Variants in ERGIC1 observed in about 807,000 individuals in gnomAD.
The protein encoded by ERGIC1 is endoplasmic reticulum-Golgi intermediate compartment protein 1.
In ERGIC1, 19 loss-of-function variants were observed where a neutral mutation model predicts 38.3. That is an observed-to-expected ratio of 0.50 (90% confidence interval 0.35 to 0.73). The LOEUF is 0.73. Among genes scored for constraint, ERGIC1 ranks in the 30% least tolerant of loss-of-function variants. The pLI is 0.01. For missense variants in ERGIC1, 294 were observed against 389.2 expected, an observed-to-expected ratio of 0.76 and a Z score of 2.06; for synonymous variants, 124 against 157.6, an observed-to-expected ratio of 0.79 and a Z score of 1.60.
intron 1 of ERGIC1, among the ~76,000 whole-genome samples, chr5:172,851,247 A>T (rs1483917835): frequency 6.6e-6 from 1 of 150,434 alleles, no homozygotes; most frequent in Non-Finnish European, 1.5e-5. Context: ...AGTGGCTCAC[A>T]TCTGTAAAGC....
intron 1 of ERGIC1, among the ~76,000 whole-genome samples, chr5:172,873,201 T>G (rs1762060619): frequency 1.3e-5 from 2 of 152,232 alleles, no homozygotes; most frequent in South Asian, 4.1e-4. Flanking sequence ...TTATAGCATC[T>G]GCACACAGGA....
At chr5:172,930,910 G>T (rs1763763172) in intron 7 of ERGIC1, among the ~76,000 whole-genome samples, 1 of 152,164 alleles carries the variant, frequency 6.6e-6, no homozygotes, top group African/African-American at 2.4e-5. Context: ...TTGAACAGAG[G>T]GATGTTGGAG....
chr5:172,915,037 CT>C, intron 5 of ERGIC1, 199 bp downstream of exon 5: 1 of 813,284 alleles, frequency 1.2e-6, no homozygotes, highest in South Asian at 1.4e-5. Flanking sequence ...TTTTAAGCCC[CT>C]GATGGCTGGT....
intron 1 of ERGIC1, among the ~76,000 whole-genome samples, chr5:172,839,940 T>C (rs182751668): frequency 1.9e-4 from 29 of 152,318 alleles, no homozygotes; most frequent in African/African-American, 7.0e-4. Context: ...CTTTCTCTTT[T>C]CCATTCACTA....
chr5:172,918,852 A>G (rs986928593), intron 5 of ERGIC1, among the ~76,000 whole-genome samples: 1 of 152,160 alleles, frequency 6.6e-6, no homozygotes, highest in Non-Finnish European at 1.5e-5. Context: ...TTGGGGAACC[A>G]CTACTCACCC....
Position 172,864,457 on chromosome 5 carries a change from C to T in ERGIC1, c.21-24242C>T, listed in dbSNP as rs552313402. ...CTGATTTTTGTATTTTCAGTAGAGA[C>T]GGGGTTTCACCCTGTTGGCCAGGCT... On this transcript the variant is annotated intron_variant, in intron 1 of 9. Transcript: ENST00000393784. Among the ~76,000 whole-genome samples, 79 of 151,716 alleles carry T rather than the reference C, an allele frequency of 5.2e-4. 1 individual carries two copies. The highest frequency in any genetic ancestry group is 1.3e-3 in the South Asian group (6 of 4,798).
chr5:172,871,455 A>C (rs374104533), intron 1 of ERGIC1, among the ~76,000 whole-genome samples: 2 of 152,300 alleles, frequency 1.3e-5, no homozygotes, highest in South Asian at 4.1e-4. Context: ...GCCCCATCCG[A>C]AGGGCCCTGG....
chr5:172,903,833 C>A (rs1033491701), intron 3 of ERGIC1, among the ~76,000 whole-genome samples: 3 of 151,940 alleles, frequency 2.0e-5, no homozygotes, highest in African/African-American at 4.8e-5. Flanking sequence ...GGATTCGAAC[C>A]CTGGTAGCCT....
chr5:172,863,692 A>T (rs1158580811), intron 1 of ERGIC1, among the ~76,000 whole-genome samples: 24 of 152,218 alleles, frequency 1.6e-4, no homozygotes, highest in Admixed American at 1.6e-3. Flanking sequence ...GAAAAAAACC[A>T]AACGTGTGAC....
At chr5:172,861,341 G>T (rs959898474) in intron 1 of ERGIC1, among the ~76,000 whole-genome samples, 1 of 152,160 alleles carries the variant, frequency 6.6e-6, no homozygotes, top group Non-Finnish European at 1.5e-5. Context: ...TCAGACCCAC[G>T]TGTTCTCTTT....
At chr5:172,857,654 G>T (rs1761586002) in intron 1 of ERGIC1, among the ~76,000 whole-genome samples, 1 of 143,480 alleles carries the variant, frequency 7.0e-6, no homozygotes, top group Non-Finnish European at 1.5e-5. Context: ...GCCAATAAGG[G>T]CTCAGCCATG....
chr5:172,866,016 C>T (rs377504003), intron 1 of ERGIC1, among the ~76,000 whole-genome samples: 12 of 152,192 alleles, frequency 7.9e-5, no homozygotes, highest in African/African-American at 2.7e-4. Flanking sequence ...ATTTATCCTT[C>T]CCATGCAAGT....
Position 172,952,401 on chromosome 5 carries a change from A to C in ERGIC1, c.*1585A>C. On this transcript the variant is annotated 3_prime_UTR_variant, in exon 10 of 10. Coordinates refer to ENST00000393784, the MANE Select transcript of ERGIC1 (RefSeq NM_001031711.3). ...TTTTTACATTCTGTTCCCCAGTTACAGGAAGGAGTCCCTTTGGTGTGTGAA... is the reference window on the plus strand; with the variant it reads ...TTTTTACATTCTGTTCCCCAGTTACCGGAAGGAGTCCCTTTGGTGTGTGAA... The C allele has an allele frequency of 8.6e-6, 1 of 116,226 alleles. No individual in the cohort carries two copies. The highest frequency in any genetic ancestry group is 1.6e-5 in the Non-Finnish European group (1 of 61,106). 7.2% of individuals were successfully genotyped at this position (116,226 alleles called of 1,614,324 possible). A position where few individuals can be genotyped will look rare whatever the true frequency, so the allele number is the denominator to read the frequency against.
intron 4 of ERGIC1, among the ~76,000 whole-genome samples, chr5:172,914,313 C>G (rs1230749413): frequency 6.6e-6 from 1 of 151,816 alleles, no homozygotes; most frequent in African/African-American, 2.4e-5. Flanking sequence ...TTCCACCTAG[C>G]GTTCATCAGA....
intron 1 of ERGIC1, among the ~76,000 whole-genome samples, chr5:172,839,586 CACACACACAT>C (rs745555266): frequency 5.0e-4 from 76 of 152,100 alleles, no homozygotes; most frequent in Non-Finnish European, 7.9e-4. Flanking sequence ...CACATACACA[CACACACACAT>C]ACACACACAT....
chr5:172,843,276 T>C (rs1299334770), intron 1 of ERGIC1, among the ~76,000 whole-genome samples: 1 of 152,238 alleles, frequency 6.6e-6, no homozygotes, highest in African/African-American at 2.4e-5. Flanking sequence ...GTAGTTGCGT[T>C]TTCACTCCGT....
intron 1 of ERGIC1, among the ~76,000 whole-genome samples, chr5:172,859,489 G>GA (rs60298872): frequency 0.29 from 44,413 of 151,776 alleles, 7,982 homozygotes; most frequent in Non-Finnish European, 0.41. Context: ...TGAAGGGTGG[G>GA]AAAAAAAAAT....
At chr5:172,888,329 A>G (rs781776102) in intron 1 of ERGIC1, among the ~76,000 whole-genome samples, 1 of 152,146 alleles carries the variant, frequency 6.6e-6, no homozygotes, top group Non-Finnish European at 1.5e-5. Context: ...GCATGGTGGC[A>G]CATGCCCGTA....
Position 172,926,504 on chromosome 5 carries a change from C to G in ERGIC1, c.481-5C>G. ...GGACCATCCCCTCACTGCATTTTTC[C>G]ACAGGTCCAGAACATCCACGGAGCT... is the stretch of plus-strand genomic sequence containing the variant. On this transcript the variant is annotated splice_region_variant and splice_polypyrimidine_tract_variant and intron_variant, in intron 6 of 9. Transcript: ENST00000393784. The surrounding 1 kb of genome is among the most constrained non-coding windows in gnomAD (Gnocchi z 5.2). 1.2e-6 allele frequency: 2 copies of G among 1,613,788 alleles called. No homozygotes were observed. Among genetic ancestry groups the G allele is most frequent in the Non-Finnish European group, 1.7e-6 (2 of 1,180,012 alleles).
Sources: gnomAD v4.1 joint callset for allele counts (sites outside exome capture counted in the v4.1 genomes callset) on GRCh38, gnomAD v4.1.1 for gene constraint, Gnocchi (gnomAD v3.1) non-coding constraint, MANE v1.5 for transcripts, NCBI Gene and HGNC (gene_info 2026-07-23, HGNC 2026-07-21) for gene names.